The following DENND4C variants were observed in gnomAD, a reference collection of about 807,000 sequenced individuals.
DENND4C encodes DENN domain containing 4C, also known as DENN domain-containing protein 4C.
Under a neutral mutation model 203.0 loss-of-function variants are expected in DENND4C, and 108 were observed. That is an observed-to-expected ratio of 0.53 (90% CI 0.46 to 0.62). The LOEUF (loss-of-function observed/expected upper bound fraction) is 0.62, where lower values mean the gene tolerates loss of function less well. Among genes scored for constraint, DENND4C ranks in the 20% least tolerant of loss-of-function variants. The pLI is 0.00. For synonymous variants in DENND4C, 871 were observed against 792.4 expected (o/e 1.10, Z -1.67); for missense variants, 2,481 against 2,301.2 (o/e 1.08, Z -1.60).
At chr9:19,302,341 C>A (rs1043809923) in intron 9 of DENND4C, among the ~76,000 whole-genome samples, 1 of 152,026 alleles carries the variant, frequency 6.6e-6, no homozygotes, top group Admixed American at 6.6e-5. Context: ...AAAAAGTGAC[C>A]CTATAGTGTT....
chr9:19,352,866 G>A (rs1481167969), intron 26 of DENND4C, among the ~76,000 whole-genome samples: 2 of 152,142 alleles, frequency 1.3e-5, no homozygotes, highest in African/African-American at 4.8e-5. Context: ...CGGGCTCCGT[G>A]GCTCATGCTG....
At position 19,274,301 on chromosome 9, in the gene DENND4C, C is replaced by CT. The variant is rs1205586235; in HGVS notation, c.-17-1846dup. Among the ~76,000 whole-genome samples, 162 of 146,416 alleles carry CT rather than the reference C, an allele frequency of 1.1e-3. 3 individuals are homozygous for CT. Among genetic ancestry groups the CT allele is most frequent in the Admixed American group, 5.6e-3 (81 of 14,576 alleles). ...TTGATGTTGATGGATATGTTTCTTT[C>CT]TTTTTTTTTTTGAGATGGAATTTTG... On this transcript the variant is annotated intron_variant, in intron 1 of 32. Transcript: ENST00000434457.
At chr9:19,327,719 A>G (rs1257382204) in intron 15 of DENND4C, among the ~76,000 whole-genome samples, 1 of 151,998 alleles carries the variant, frequency 6.6e-6, no homozygotes, top group Admixed American at 6.6e-5. Flanking sequence ...AAATTTTTTT[A>G]AACATAAATT....
chr9:19,259,797 G>A (rs1298957345), intron 1 of DENND4C, among the ~76,000 whole-genome samples: 1 of 152,090 alleles, frequency 6.6e-6, no homozygotes, highest in African/African-American at 2.4e-5. Context: ...CAGCCACCAC[G>A]CCTGGCTCGA....
At chr9:19,348,110 G>A (rs1029307502) in intron 23 of DENND4C, among the ~76,000 whole-genome samples, 7 of 152,152 alleles carry the variant, frequency 4.6e-5, no homozygotes, top group Non-Finnish European at 1.0e-4. Flanking sequence ...TAAGCTATAT[G>A]TCTGGTTTTA....
intron 15 of DENND4C, 100 bp downstream of exon 15, chr9:19,326,294 C>T: frequency 1.5e-6 from 2 of 1,290,396 alleles, no homozygotes; most frequent in Non-Finnish European, 2.1e-6. Flanking sequence ...AACTCATTTT[C>T]AGTATTAGTT....
At chr9:19,295,662 T>C (rs1479145051) in intron 5 of DENND4C, among the ~76,000 whole-genome samples, 1 of 130,032 alleles carries the variant, frequency 7.7e-6, no homozygotes, top group African/African-American at 3.2e-5. Flanking sequence ...TGAGTGAGAC[T>C]CCATCTCAAA....
At chr9:19,251,220 A>G (rs1016945531) in intron 1 of DENND4C, among the ~76,000 whole-genome samples, 3 of 152,220 alleles carry the variant, frequency 2.0e-5, no homozygotes, top group Non-Finnish European at 2.9e-5. Flanking sequence ...CAGGCTTAAC[A>G]TCATGTGGAA....
At chr9:19,371,843 A>T (rs771662088) in intron 32 of DENND4C, 23 bp downstream of exon 32, 45 of 1,397,930 alleles carry the variant, frequency 3.2e-5, no homozygotes, top group Non-Finnish European at 4.3e-5. Context: ...ATAAAAGATT[A>T]TGAAAGGAAG....
chr9:19,326,945 C>T (rs192868936), intron 15 of DENND4C, among the ~76,000 whole-genome samples: 4 of 152,048 alleles, frequency 2.6e-5, no homozygotes, highest in South Asian at 2.1e-4. Context: ...GTTTGTAGTT[C>T]TTTGCTATCT....
At chr9:19,294,596 G>A (rs1588861442) in intron 5 of DENND4C, among the ~76,000 whole-genome samples, 1 of 152,174 alleles carries the variant, frequency 6.6e-6, no homozygotes, top group Admixed American at 6.5e-5. Flanking sequence ...AATGTTTGTA[G>A]CAGGGTTATT....
At chr9:19,288,197 A>T (rs1426006592) in intron 3 of DENND4C, among the ~76,000 whole-genome samples, 1 of 152,246 alleles carries the variant, frequency 6.6e-6, no homozygotes, top group Non-Finnish European at 1.5e-5. Context: ...GGCGGAGATG[A>T]CAAATGCACC....
At chr9:19,283,517 C>T (rs1199752823) in intron 2 of DENND4C, among the ~76,000 whole-genome samples, 3 of 151,836 alleles carry the variant, frequency 2.0e-5, no homozygotes, top group Non-Finnish European at 2.9e-5. Context: ...GCAGTCTGTG[C>T]TTGCATCATC....
At chr9:19,317,136 C>T (rs1841988959) in intron 12 of DENND4C, among the ~76,000 whole-genome samples, 1 of 150,332 alleles carries the variant, frequency 6.7e-6, no homozygotes, top group Non-Finnish European at 1.5e-5. Flanking sequence ...GGAGATTTGC[C>T]TTCAGGTATT....
At chr9:19,323,657 A>G (rs935241956) in intron 12 of DENND4C, among the ~76,000 whole-genome samples, 5 of 152,202 alleles carry the variant, frequency 3.3e-5, no homozygotes, top group Admixed American at 1.3e-4. Flanking sequence ...CAGAAATTTT[A>G]AAAACACAAT....
rs568837875 is a variant in DENND4C, at chr9:19,299,287, G to C, written c.1166G>C (p.Ser389Thr). 6.4e-7 allele frequency: 1 copy of C among 1,551,866 alleles called. No individual in the cohort carries two copies. The highest frequency in any genetic ancestry group is 2.3e-5 in the East Asian group (1 of 43,442). ...SQPVSTPLPL[S>T]GANFSTLLMN... ...CCAGTTTCTACACCTTTACCACTAA[G>C]GTAATTACTGGTATTTAAAATGATA... is the stretch of plus-strand genomic sequence containing the variant. The change falls in exon 8 of 33, where the codon AGT becomes ACT. Residue 389 changes from serine to threonine, a missense_variant and splice_region_variant. Physicochemically the swap from Ser to Thr is moderately conservative, Grantham distance 58 (BLOSUM62 1). Around this residue, in one of 3 missense-constraint regions of DENND4C, gnomAD observed 2,289 missense variants for 2,113.3 expected, o/e 1.08. Coordinates refer to ENST00000434457, the MANE Select transcript of DENND4C (RefSeq NM_001330640.2).
chr9:19,291,693 A>G (rs1247694378), intron 5 of DENND4C, among the ~76,000 whole-genome samples: 2 of 119,686 alleles, frequency 1.7e-5, no homozygotes, highest in African/African-American at 3.0e-5. Flanking sequence ...CTACAGAGCG[A>G]TACTCTTTCT....
intron 1 of DENND4C, among the ~76,000 whole-genome samples, chr9:19,240,541 C>T (rs1823408586): frequency 6.6e-6 from 1 of 151,984 alleles, no homozygotes; most frequent in Admixed American, 6.6e-5. Flanking sequence ...TGGTGTGTGC[C>T]TGTAGTCCCA....
At chr9:19,283,610 C>CTTTTTTTTTTT (rs553611899) in intron 2 of DENND4C, among the ~76,000 whole-genome samples, 12 of 116,610 alleles carry the variant, frequency 1.0e-4, no homozygotes, top group South Asian at 5.8e-4. Context: ...TTTTTTCTTT[C>CTTTTTTTTTTT]TTTTTTTTTT....
Sources: allele counts gnomAD v4.1 joint callset (sites outside exome capture counted in the v4.1 genomes callset), GRCh38; gene constraint gnomAD v4.1.1; regional missense constraint gnomAD v4.1.1; transcripts MANE v1.5; gene names NCBI Gene and HGNC (gene_info 2026-07-23, HGNC 2026-07-21).